The following TGFB2 variants were observed in gnomAD, a reference collection of about 807,000 sequenced individuals.
The protein encoded by TGFB2 is transforming growth factor beta-2 proprotein.
Under a neutral mutation model 42.7 loss-of-function variants are expected in TGFB2, and 13 were observed. That is an observed-to-expected ratio of 0.30 (90% CI 0.20 to 0.48). TGFB2 has a LOEUF of 0.48. Ranked by LOEUF, TGFB2 falls within the 20% of genes least tolerant of loss-of-function variation. The pLI, the probability that TGFB2 is intolerant of heterozygous loss-of-function variation, is 0.99. For synonymous variants in TGFB2, 193 were observed against 193.6 expected (o/e 1.00, Z 0.03); for missense variants, 390 against 517.5 (o/e 0.75, Z 2.39).
chr1:218,363,230 A>T, intron 1 of TGFB2: 1 of 970,224 alleles, frequency 1.0e-6, no homozygotes, highest in Admixed American at 1.8e-5. Context: ...GGAAATGATA[A>T]GAACATTCAA....
intron 1 of TGFB2, among the ~76,000 whole-genome samples, chr1:218,393,844 C>T (rs1571864710): frequency 1.3e-5 from 2 of 152,010 alleles, no homozygotes; most frequent in African/African-American, 2.4e-5. Context: ...TGCCCACAAA[C>T]GTGGGTGCAG....
chr1:218,431,509 T>A (rs149251213), intron 2 of TGFB2, among the ~76,000 whole-genome samples: 4 of 152,348 alleles, frequency 2.6e-5, no homozygotes, highest in Admixed American at 2.6e-4. Context: ...TATACATGTA[T>A]ATGTATGTAT....
chr1:218,356,205 T>C (rs116774587), intron 1 of TGFB2, among the ~76,000 whole-genome samples: 1 of 152,232 alleles, frequency 6.6e-6, no homozygotes, highest in African/African-American at 2.4e-5. Context: ...TTTCAAAGGG[T>C]ATATAAATTT....
Position 218,346,058 on chromosome 1 carries a change from A to ACACG in TGFB2, c.-641_-640insGCAC, listed in dbSNP as rs1656661599. Among the ~76,000 whole-genome samples the ACACG allele has an allele frequency of 1.4e-5, 2 of 140,920 alleles. No individual in the cohort carries two copies. Among genetic ancestry groups the ACACG allele is most frequent in the Admixed American group, 6.9e-5 (1 of 14,438 alleles). 92.4% of individuals were successfully genotyped at this position (140,920 alleles called of 152,430 possible). A position where few individuals can be genotyped will look rare whatever the true frequency, so the allele number is the denominator to read the frequency against. ...GCTCGCCCCCAGCGCGCGCACACGC[A>ACACG]CACACACACACACACACACACACGC... On this transcript the variant is annotated 5_prime_UTR_variant, in exon 1 of 7. Coordinates refer to ENST00000366930, the MANE Select transcript of TGFB2 (RefSeq NM_003238.6). This position sits in a 1 kb window ranked among gnomAD's most constrained non-coding sequence, Gnocchi z 4.9.
intron 6 of TGFB2, among the ~76,000 whole-genome samples, chr1:218,440,148 C>T (rs947885252): frequency 4.6e-5 from 7 of 152,144 alleles, no homozygotes; most frequent in African/African-American, 1.7e-4. Flanking sequence ...TCAGACTTGC[C>T]ATTAACTCCT....
intron 2 of TGFB2, 60 bp downstream of exon 2, chr1:218,405,392 T>C: frequency 1.9e-6 from 3 of 1,602,722 alleles, no homozygotes; most frequent in Non-Finnish European, 2.5e-6. Context: ...AGACTCTCTC[T>C]CTCTCTCTCT....
intron 1 of TGFB2, among the ~76,000 whole-genome samples, chr1:218,381,701 A>G (rs1220534125): frequency 2.0e-5 from 3 of 152,352 alleles, no homozygotes; most frequent in African/African-American, 7.2e-5. Flanking sequence ...ATCTCTGGAC[A>G]AGCTCAATTT....
intron 1 of TGFB2, among the ~76,000 whole-genome samples, chr1:218,350,999 T>G (rs776404381): frequency 7.8e-4 from 119 of 152,244 alleles, no homozygotes; most frequent in Non-Finnish European, 1.4e-3. Context: ...TGAGATTCCC[T>G]TTGTAGTTGT....
chr1:218,402,544 G>GA (rs143843475), intron 1 of TGFB2, among the ~76,000 whole-genome samples: 2 of 151,688 alleles, frequency 1.3e-5, no homozygotes, highest in Non-Finnish European at 2.9e-5. Context: ...GAAAAGGGGG[G>GA]AAAAAAATGG....
chr1:218,428,249 G>A (rs888039596), intron 2 of TGFB2, among the ~76,000 whole-genome samples: 1 of 152,002 alleles, frequency 6.6e-6, no homozygotes, highest in Non-Finnish European at 1.5e-5. Context: ...TTGTCAGATG[G>A]GTAGATTGCA....
At chr1:218,434,245 G>A (rs1659900239) in intron 3 of TGFB2, 31 bp downstream of exon 3, 2 of 1,612,608 alleles carry the variant, frequency 1.2e-6, no homozygotes, top group African/African-American at 1.3e-5. Context: ...TTCCTCCCAA[G>A]ATGTTCAGTA....
intron 1 of TGFB2, among the ~76,000 whole-genome samples, chr1:218,379,130 CT>C (rs61674773): frequency 3.5e-5 from 5 of 143,958 alleles, no homozygotes; most frequent in South Asian, 2.2e-4. Context: ...TTCTTTCTTT[CT>C]TTTTTTTTTT....
At chr1:218,374,492 G>T (rs184474541) in intron 1 of TGFB2, among the ~76,000 whole-genome samples, 23 of 152,296 alleles carry the variant, frequency 1.5e-4, no homozygotes, top group African/African-American at 5.5e-4. Flanking sequence ...GGCCCCCGTG[G>T]TCTGCTGACC....
intron 1 of TGFB2, among the ~76,000 whole-genome samples, chr1:218,355,119 T>A: frequency 6.6e-6 from 1 of 152,214 alleles, no homozygotes; most frequent in East Asian, 1.9e-4. Context: ...GTCAGGCTGG[T>A]CTCGAACTGA....
At chr1:218,357,545 C>T (rs1657079160) in intron 1 of TGFB2, among the ~76,000 whole-genome samples, 2 of 152,196 alleles carry the variant, frequency 1.3e-5, no homozygotes, top group African/African-American at 2.4e-5. Flanking sequence ...CCGGGACCAT[C>T]CCTTCATTCT....
In TGFB2 at chr1:218,347,034, C is replaced by T. The variant is rs1656709850; in HGVS notation, c.333C>T (p.Phe111=). The change falls in exon 1 of 7, where the codon TTC becomes TTT. Residue 111 remains phenylalanine, a synonymous_variant. Transcript: ENST00000366930. ...TTTACAAAATAGACATGCCGCCCTT[C>T]TTCCCCTCCGAAAGTAAGTACTTAT... The part of the protein sequence containing the change: ...KEVYKIDMPP[F]FPSENAIPPT... 2 of 1,587,922 alleles carry T rather than the reference C, an allele frequency of 1.3e-6. No homozygotes were observed. Among genetic ancestry groups the T allele is most frequent in the South Asian group, 2.3e-5 (2 of 88,278 alleles).
At chr1:218,400,163 A>G (rs1658666553) in intron 1 of TGFB2, among the ~76,000 whole-genome samples, 1 of 152,082 alleles carries the variant, frequency 6.6e-6, no homozygotes, top group African/African-American at 2.4e-5. Flanking sequence ...CGGCAGGGCT[A>G]GCTACAAAAT....
In TGFB2 at chr1:218,372,386, C is replaced by T. The variant is rs371493750; in HGVS notation, c.346+25339C>T. Among the ~76,000 whole-genome samples the T allele has an allele frequency of 3.3e-5, 5 of 152,280 alleles. No homozygotes were observed. The East Asian group carries it at 9.7e-4, about 29-fold the overall frequency. ...CTTTGCTCTGAAGTGGAGCTGACTT[C>T]GTATGTGTTCACAGTGGCAGCAGGG... On this transcript the variant is annotated intron_variant, in intron 1 of 6. Transcript: ENST00000366930.
At chr1:218,412,261 C>T (rs1659125884) in intron 2 of TGFB2, among the ~76,000 whole-genome samples, 1 of 152,184 alleles carries the variant, frequency 6.6e-6, no homozygotes, top group Non-Finnish European at 1.5e-5. Flanking sequence ...AGAAATGCCT[C>T]AGAACTCATT....
Sources: allele counts gnomAD v4.1 joint callset (sites outside exome capture counted in the v4.1 genomes callset), GRCh38; gene constraint gnomAD v4.1.1; non-coding constraint Gnocchi (gnomAD v3.1); transcripts MANE v1.5; gene names NCBI Gene and HGNC (gene_info 2026-07-23, HGNC 2026-07-21).